Variants in LMAN1 observed in about 807,000 individuals in gnomAD.
The protein encoded by LMAN1 is lectin, mannose binding 1, also known as protein ERGIC-53.
LMAN1 carries 32 observed loss-of-function variants against 67.8 expected under a neutral mutation model. The observed-to-expected ratio is 0.47, with a 90% CI of 0.36 to 0.63. The LOEUF (loss-of-function observed/expected upper bound fraction) is 0.63, where lower values mean the gene tolerates loss of function less well. Among genes scored for constraint, LMAN1 ranks in the 30% least tolerant of loss-of-function variants. The probability of loss-of-function intolerance (pLI) is 0.00; values close to 1 mark genes in which losing one functional copy is unlikely to be tolerated. For missense variants in LMAN1, 632 were observed against 628.2 expected (o/e 1.01, Z -0.06); for synonymous variants, 235 against 219.3 (o/e 1.07, Z -0.63).
Position 59,330,836 on chromosome 18 carries a change from T to C in LMAN1, c.*257A>G, listed in dbSNP as rs980660824. The C allele has an allele frequency of 3.2e-5, 15 of 466,476 alleles. No individual in the cohort carries two copies. Among genetic ancestry groups the C allele is most frequent in the Non-Finnish European group, 4.6e-5 (12 of 259,450 alleles). 28.9% of individuals were successfully genotyped at this position (466,476 alleles called of 1,614,324 possible). A position where few individuals can be genotyped will look rare whatever the true frequency, so the allele number is the denominator to read the frequency against. ...GCCCCCACTTTATTTACCCTCTTACTGGTCAATATTCTGCTCAGAGGCTGC... is the reference window on the plus strand; with the variant it reads ...GCCCCCACTTTATTTACCCTCTTACCGGTCAATATTCTGCTCAGAGGCTGC... On this transcript the variant is annotated 3_prime_UTR_variant, in exon 13 of 13. Transcript: ENST00000251047.
Position 59,331,039 on chromosome 18 carries a change from T to C in LMAN1, c.*54A>G. ...AAGCAATTTAAATACTTAAATTCCC[T>C]CAAAACGACATCATTTTGTACACAA... On this transcript the variant is annotated 3_prime_UTR_variant, in exon 13 of 13. Transcript: ENST00000251047. The C allele has an allele frequency of 1.6e-6, 2 of 1,270,528 alleles. No individual in the cohort carries two copies. Among genetic ancestry groups the C allele is most frequent in the Non-Finnish European group, 2.3e-6 (2 of 876,264 alleles). 78.7% of individuals were successfully genotyped at this position (1,270,528 alleles called of 1,614,324 possible).
chr18:59,357,762 TTTTG>T (rs1568119224), intron 1 of LMAN1, among the ~76,000 whole-genome samples: 1 of 152,130 alleles, frequency 6.6e-6, no homozygotes, highest in Non-Finnish European at 1.5e-5. Flanking sequence ...AAATGAAACA[TTTTG>T]TTTCAAGAAC....
rs1263821261 is a variant in LMAN1, at chr18:59,328,423, C to G, written c.*2670G>C. ...CAACAGGTAATAATCTGGATTCAGT[C>G]TGTAGTTGCTCATGAACCACGCGTT... On this transcript the variant is annotated 3_prime_UTR_variant, in exon 13 of 13. Transcript: ENST00000251047. The G allele has an allele frequency of 6.6e-6, 1 of 152,174 alleles. No homozygotes were observed. The highest frequency in any genetic ancestry group is 1.9e-4 in the East Asian group (1 of 5,206). The allele number at this position is 152,174 out of a possible 1,614,324, so 9.4% of individuals were successfully genotyped here. A position where few individuals can be genotyped will look rare whatever the true frequency, so the allele number is the denominator to read the frequency against.
chr18:59,334,943 T>G (rs772805435), intron 10 of LMAN1, among the ~76,000 whole-genome samples: 31 of 152,206 alleles, frequency 2.0e-4, no homozygotes, highest in Non-Finnish European at 3.7e-4. Context: ...ATGACATTTA[T>G]TCTCAGTAAG....
intron 5 of LMAN1, chr18:59,351,348 A>G (rs1908539671): frequency 6.6e-6 from 1 of 152,168 alleles, no homozygotes; most frequent in African/African-American, 2.4e-5. Flanking sequence ...TAGAAAAGGG[A>G]TCTGAATTTG....
In LMAN1 at chr18:59,331,519, T is replaced by A. The variant is rs762661354; in HGVS notation, c.1395A>T (p.Lys465Asn). The A allele has an allele frequency of 2.5e-6, 4 of 1,613,214 alleles. No individual in the cohort carries two copies. The African/African-American group carries it at 5.3e-5, about 22-fold the overall frequency. Residue 465 changes from lysine to asparagine, a missense_variant, in exon 12 of 13, where the codon AAA (lysine) becomes AAT (asparagine). Transcript: ENST00000251047. ...ATGGAAATGGTGGTAGTTCTGGGCA[T>A]TTCGGCTTTTCATTTGATGGCTGTA... ...QRNMPSNEKP[K>N]CPELPPFPSC...
intron 10 of LMAN1, chr18:59,333,838 A>G (rs775133775): frequency 3.3e-5 from 5 of 150,460 alleles, no homozygotes; most frequent in Admixed American, 6.6e-5. Context: ...AAAAAGTAAG[A>G]GCTTTACCAA....
rs8095245 is a variant in LMAN1 at position 59,347,657 on chromosome 18, T to C, written c.764-86A>G. The C allele has an allele frequency of 0.24, 235,785 of 988,064 alleles. 30,063 individuals carry two copies. Among genetic ancestry groups the C allele is most frequent in the Middle Eastern group, 0.27 (943 of 3,506 alleles). 61.2% of individuals were successfully genotyped at this position (988,064 alleles called of 1,614,324 possible). On this transcript the variant is annotated intron_variant, in intron 6 of 12. Coordinates refer to ENST00000251047, the MANE Select transcript of LMAN1 (RefSeq NM_005570.4). ...AAATGTATTTTATCAATATTTATTGTTTTAAATAACAATAACCAGTGAGGG... is the reference window on the plus strand; with the variant it reads ...AAATGTATTTTATCAATATTTATTGCTTTAAATAACAATAACCAGTGAGGG...
intron 10 of LMAN1, among the ~76,000 whole-genome samples, chr18:59,337,610 T>C (rs148749188): frequency 1.7e-3 from 266 of 152,332 alleles, no homozygotes; most frequent in African/African-American, 6.0e-3. Flanking sequence ...AAAGGTTGCG[T>C]TACATGATCC....
In LMAN1 at chr18:59,331,422, A is replaced by AC. The variant is rs2070746690; in HGVS notation, c.1491dup (p.Tyr498ValfsTer2). 6.2e-7 allele frequency: 1 copy of AC among 1,606,292 alleles called. No individual in the cohort carries two copies. Among genetic ancestry groups the AC allele is most frequent in the Non-Finnish European group, 8.5e-7 (1 of 1,173,286 alleles). On this transcript the variant is annotated frameshift_variant, in exon 12 of 13. Transcript: ENST00000251047. LOFTEE classifies it high-confidence loss of function. ...ACATTTTATCAAGAGACTTACCTAT[A>AC]CATGATATAACCAATGAATAATACA... is the stretch of plus-strand genomic sequence containing the variant.
intron 10 of LMAN1, among the ~76,000 whole-genome samples, chr18:59,337,867 T>C (rs551634467): frequency 3.3e-5 from 5 of 152,230 alleles, no homozygotes; most frequent in African/African-American, 7.2e-5. Context: ...AGAACTCACC[T>C]TGACATTCTT....
At chr18:59,354,645 T>C in intron 3 of LMAN1, 65 bp from the exon 4 acceptor site, 4 of 806,174 alleles carry the variant, frequency 5.0e-6, no homozygotes, top group Non-Finnish European at 2.1e-6. Flanking sequence ...ATTCTTGATG[T>C]ACTATGAAGT....
At position 59,343,117 on chromosome 18, in the gene LMAN1, G is replaced by A. The variant is rs530230625; in HGVS notation, c.955+2802C>T. ...AGAAGGGGAAAGCTCTCCATAAGGA[G>A]AACTTCAAAACAACGATGAGAGAAA... On this transcript the variant is annotated intron_variant, in intron 8 of 12. Coordinates refer to ENST00000251047, the MANE Select transcript of LMAN1 (RefSeq NM_005570.4). Among the ~76,000 whole-genome samples, 4 of 148,584 alleles carry A rather than the reference G, an allele frequency of 2.7e-5. No individual in the cohort carries two copies. The East Asian group carries it at 7.8e-4, about 29-fold the overall frequency.
In LMAN1 at chr18:59,328,896, A is replaced by T. The variant is rs1255592608; in HGVS notation, c.*2197T>A. ...CATTACGCAATTGCATTTTCCTTTT[A>T]AAAGTGGCATCATAGACACAATGAC... On this transcript the variant is annotated 3_prime_UTR_variant, in exon 13 of 13. Coordinates refer to ENST00000251047, the MANE Select transcript of LMAN1 (RefSeq NM_005570.4). 6.6e-6 allele frequency: 1 copy of T among 152,234 alleles called. No individual in the cohort carries two copies. Among genetic ancestry groups the T allele is most frequent in the Non-Finnish European group, 1.5e-5 (1 of 68,042 alleles). The allele number at this position is 152,234 out of a possible 1,614,324, so 9.4% of individuals were successfully genotyped here. A position where few individuals can be genotyped will look rare whatever the true frequency, so the allele number is the denominator to read the frequency against.
intron 1 of LMAN1, among the ~76,000 whole-genome samples, chr18:59,356,107 T>A (rs891988408): frequency 6.6e-6 from 1 of 152,210 alleles, no homozygotes; most frequent in African/African-American, 2.4e-5. Flanking sequence ...CAAATAATTC[T>A]CTTATTCTCT....
rs140538038 is a variant in LMAN1, at chr18:59,359,051, G to A, written c.194C>T (p.Pro65Leu). Residue 65 changes from proline to leucine, a missense_variant, in exon 1 of 13, where the codon CCC becomes CTC. Physicochemically the swap from Pro to Leu is moderately conservative, Grantham distance 98. Coordinates refer to ENST00000251047, the MANE Select transcript of LMAN1 (RefSeq NM_005570.4). ...PHLVQSDGTV[P>L]FWAHAGNAIP... ...CTTACTCCCCGCGTGGGCCCAGAAG[G>A]GCACGGTCCCGTCGCTCTGCACCAG... The A allele has an allele frequency of 6.1e-5, 99 of 1,614,034 alleles. No homozygotes were observed. The highest frequency in any genetic ancestry group is 2.0e-4 in the Admixed American group (12 of 60,032).
chr18:59,359,061 C>G lies in LMAN1; in HGVS notation c.184G>C (p.Gly62Arg). ...FKGPHLVQSD[G>R]TVPFWAHAGN... ...GCGTGGGCCCAGAAGGGCACGGTCC[C>G]GTCGCTCTGCACCAGGTGCGGCCCC... Residue 62 changes from glycine to arginine, a missense_variant, in exon 1 of 13, where the codon GGG (glycine) becomes CGG (arginine). Transcript: ENST00000251047. 6.2e-7 allele frequency: 1 copy of G among 1,614,034 alleles called. No homozygotes were observed. The highest frequency in any genetic ancestry group is 1.1e-5 in the South Asian group (1 of 91,086).
intron 5 of LMAN1, among the ~76,000 whole-genome samples, chr18:59,351,217 T>C (rs973973338): frequency 2.0e-5 from 3 of 152,118 alleles, no homozygotes; most frequent in African/African-American, 4.8e-5. Flanking sequence ...AGAAGAGATA[T>C]ACATATAGTT....
chr18:59,356,426 A>C (rs1908661903), intron 1 of LMAN1, among the ~76,000 whole-genome samples: 1 of 152,210 alleles, frequency 6.6e-6, no homozygotes, highest in African/African-American at 2.4e-5. Flanking sequence ...AGTAGCTTTA[A>C]ATGTTTCAAT....
Sources: allele counts gnomAD v4.1 joint callset (sites outside exome capture counted in the v4.1 genomes callset), GRCh38; gene constraint gnomAD v4.1.1; transcripts MANE v1.5; gene names NCBI Gene and HGNC (gene_info 2026-07-23, HGNC 2026-07-21).